The following EFCAB5 variants were observed in gnomAD, a reference collection of about 807,000 sequenced individuals.
EFCAB5 encodes EF-hand calcium-binding domain-containing protein 5.
Under a neutral mutation model 167.9 loss-of-function variants are expected in EFCAB5, and 131 were observed. The ratio of observed to expected loss-of-function variants is 0.78; its 90% confidence interval spans 0.68 to 0.90. The LOEUF is 0.90. Among genes scored for constraint, EFCAB5 ranks in the 40% least tolerant of loss-of-function variants. EFCAB5 has a pLI of 0.00. For missense variants in EFCAB5, 1,663 were observed against 1,745.2 expected (o/e 0.95, Z 0.84); for synonymous variants, 574 against 602.8 (o/e 0.95, Z 0.70).
At chr17:29,947,515 C>T (rs145812359) in intron 3 of EFCAB5, among the ~76,000 whole-genome samples, 1 of 152,262 alleles carries the variant, frequency 6.6e-6, no homozygotes, top group African/African-American at 2.4e-5. Context: ...CAGACTTCAC[C>T]ACTATACAAT....
chr17:30,000,564 A>G (rs11868086), intron 7 of EFCAB5, among the ~76,000 whole-genome samples: 39,862 of 152,020 alleles, frequency 0.26, 6,539 homozygotes, highest in Non-Finnish European at 0.36. Flanking sequence ...GCCTACTTAT[A>G]TATTTTTTCA....
intron 7 of EFCAB5, among the ~76,000 whole-genome samples, chr17:30,011,364 G>A (rs1373457461): frequency 6.6e-6 from 1 of 152,038 alleles, no homozygotes; most frequent in Non-Finnish European, 1.5e-5. Flanking sequence ...AGCTTGATGG[G>A]GATGGCACTG....
chr17:29,969,141 A>G lies in EFCAB5; in HGVS notation c.541A>G (p.Thr181Ala), dbSNP rs140901916. 1.2e-5 allele frequency: 20 copies of G among 1,613,906 alleles called. No individual in the cohort carries two copies. In the African/African-American group the frequency reaches 2.0e-4, roughly 16 times the overall value. The change falls in exon 4 of 23, where the codon ACC (threonine) becomes GCC (alanine). Residue 181 changes from threonine to alanine, a missense_variant. Transcript: ENST00000394835. ...ATATTTGCTTGACAAACTTCTACCC[A>G]CCTTAGTTCCTGGAGTAGAAAACAT... ...TAYLLDKLLP[T>A]LVPGVENMLT...
intron 4 of EFCAB5, among the ~76,000 whole-genome samples, chr17:29,987,012 C>T (rs911293200): frequency 6.6e-6 from 1 of 152,074 alleles, no homozygotes; most frequent in Non-Finnish European, 1.5e-5. Flanking sequence ...AGAGTGATTA[C>T]GTCCAGGCAT....
chr17:30,056,267 GTTCC>G, intron 12 of EFCAB5, 111 bp downstream of exon 12: 1 of 959,864 alleles, frequency 1.0e-6, no homozygotes, highest in Non-Finnish European at 1.6e-6. Flanking sequence ...ATGGGAAGGT[GTTCC>G]TTGCATTATT....
intron 7 of EFCAB5, among the ~76,000 whole-genome samples, chr17:30,029,464 A>G (rs2069419955): frequency 6.6e-6 from 1 of 152,218 alleles, no homozygotes; most frequent in African/African-American, 2.4e-5. Flanking sequence ...ACTTCAAAGT[A>G]CTGAATGCAT....
chr17:29,996,064 T>C (rs751497045), intron 5 of EFCAB5, among the ~76,000 whole-genome samples: 75 of 152,192 alleles, frequency 4.9e-4, no homozygotes, highest in Non-Finnish European at 9.0e-4. Context: ...TAACGACAAG[T>C]TTATTTTGGT....
chr17:30,042,646 TA>T (rs200413781), intron 8 of EFCAB5, among the ~76,000 whole-genome samples: 3 of 151,780 alleles, frequency 2.0e-5, no homozygotes, highest in African/African-American at 4.8e-5. Flanking sequence ...TTAATACCAC[TA>T]AAAAAAAGTT....
chr17:29,932,472 T>G (rs1452401520), intron 1 of EFCAB5, among the ~76,000 whole-genome samples: 1 of 136,808 alleles, frequency 7.3e-6, no homozygotes, highest in African/African-American at 3.0e-5. Flanking sequence ...TTTTTTTTTT[T>G]GACACGGATT....
At chr17:30,104,764 G>C (rs779839991) in intron 22 of EFCAB5, among the ~76,000 whole-genome samples, 2 of 152,056 alleles carry the variant, frequency 1.3e-5, no homozygotes, top group African/African-American at 2.4e-5. Context: ...GGTCGTTAAC[G>C]CATCAACCTC....
At chr17:30,102,983 C>G (rs1417647617) in intron 22 of EFCAB5, among the ~76,000 whole-genome samples, 1 of 151,764 alleles carries the variant, frequency 6.6e-6, no homozygotes, top group African/African-American at 2.4e-5. Context: ...ACACTAGAGG[C>G]CCACACCACC....
chr17:30,079,999 C>A, intron 15 of EFCAB5, 73 bp from the exon 16 acceptor site: 1 of 1,500,966 alleles, frequency 6.7e-7, no homozygotes, highest in Admixed American at 2.3e-5. Context: ...CATGAATTAA[C>A]TAGTAAGGGG....
chr17:29,970,358 G>A (rs1043142228), intron 4 of EFCAB5, among the ~76,000 whole-genome samples: 28 of 151,906 alleles, frequency 1.8e-4, no homozygotes, highest in Admixed American at 3.3e-4. Flanking sequence ...CCATAGATCT[G>A]ACAGTGCTGG....
At position 30,015,820 on chromosome 17, in the gene EFCAB5, A is replaced by G. The variant is rs368778446; in HGVS notation, c.1044+15844A>G. Among the ~76,000 whole-genome samples the G allele has an allele frequency of 3.4e-5, 5 of 146,932 alleles. No homozygotes were observed. In the East Asian group the frequency reaches 7.9e-4, roughly 23 times the overall value. The stretch of plus-strand genomic sequence containing the variant: ...GCTCTGTTGCCCAGGTTGGAGTGCA[A>G]TGGTGCAACTGGCTCACTGCAACCT... On this transcript the variant is annotated intron_variant, in intron 7 of 22. Coordinates refer to ENST00000394835, the MANE Select transcript of EFCAB5 (RefSeq NM_198529.4).
chr17:30,069,359 G>T (rs755630333), intron 14 of EFCAB5: 1 of 1,558,544 alleles, frequency 6.4e-7, no homozygotes, highest in African/African-American at 1.4e-5. Flanking sequence ...ACTAATTGGT[G>T]AAATGAACAG....
intron 22 of EFCAB5, among the ~76,000 whole-genome samples, chr17:30,103,619 A>G (rs1453052850): frequency 3.3e-5 from 5 of 152,216 alleles, no homozygotes; most frequent in African/African-American, 1.2e-4. Flanking sequence ...GAGGCAGTAC[A>G]CTACAGTGCC....
rs565530706 is a variant in EFCAB5, at chr17:30,064,268, T to C, written c.2737+4567T>C. ...AATTCAGATTGACAGTTCAACAAAA[T>C]CAGGAAAACAAGTCCTCATATGAAT... On this transcript the variant is annotated intron_variant, in intron 14 of 22. Coordinates refer to ENST00000394835, the MANE Select transcript of EFCAB5 (RefSeq NM_198529.4). Among the ~76,000 whole-genome samples, 55 of 152,024 alleles carry C rather than the reference T, an allele frequency of 3.6e-4. 3 individuals carry two copies. In the South Asian group the frequency reaches 0.011, roughly 30 times the overall value.
At chr17:29,945,177 A>G (rs1458200740) in intron 3 of EFCAB5, among the ~76,000 whole-genome samples, 3 of 152,178 alleles carry the variant, frequency 2.0e-5, no homozygotes, top group African/African-American at 4.8e-5. Context: ...TAATTTTACT[A>G]TAATTTTTCT....
chr17:29,938,334 G>A (rs2067262584), upstream of EFCAB5, among the ~76,000 whole-genome samples: 2 of 152,310 alleles, frequency 1.3e-5, no homozygotes, highest in South Asian at 2.1e-4. Flanking sequence ...ACAATCGTAT[G>A]AGCCTTTATC....
Sources: gnomAD v4.1 joint callset for allele counts (sites outside exome capture counted in the v4.1 genomes callset) on GRCh38, gnomAD v4.1.1 for gene constraint, MANE v1.5 for transcripts, NCBI Gene and HGNC (gene_info 2026-07-23, HGNC 2026-07-21) for gene names.